MCPH1: variants seen among roughly 807,000 people sequenced by gnomAD.
MCPH1 encodes the protein microcephalin.
In MCPH1, 104 loss-of-function variants were observed where a neutral mutation model predicts 84.5. The observed-to-expected ratio is 1.23, with a 90% CI of 1.05 to 1.45. The LOEUF (loss-of-function observed/expected upper bound fraction) is 1.45. Ranked by LOEUF, MCPH1 falls within the 40% of genes most tolerant of loss-of-function variation. The pLI is 0.00. For synonymous variants in MCPH1, 514 were observed against 366.8 expected (o/e 1.40, Z -4.58); for missense variants, 1,498 against 1,005.7 (o/e 1.49, Z -6.62).
At chr8:6,623,260 C>T (rs547598205) in intron 13 of MCPH1, among the ~76,000 whole-genome samples, 6 of 152,166 alleles carry the variant, frequency 3.9e-5, no homozygotes, top group African/African-American at 9.6e-5. Context: ...TGGGCAGACA[C>T]AATTCAGCCC....
chr8:6,446,057 CAG>C (rs1804322103), intron 8 of MCPH1: 1 of 980,438 alleles, frequency 1.0e-6, no homozygotes, highest in African/African-American at 1.7e-5. Context: ...AAACTTTGGT[CAG>C]TGTTAACTAT....
At chr8:6,483,566 T>C (rs1383435046) in intron 11 of MCPH1, among the ~76,000 whole-genome samples, 1 of 152,156 alleles carries the variant, frequency 6.6e-6, no homozygotes, top group Admixed American at 6.5e-5. Context: ...ATTCAGTCTT[T>C]TGAACAAGTG....
At chr8:6,444,032 C>G (rs1156588877) in intron 7 of MCPH1, among the ~76,000 whole-genome samples, 1 of 152,208 alleles carries the variant, frequency 6.6e-6, no homozygotes, top group African/African-American at 2.4e-5. Context: ...CTAGATCTTA[C>G]AACAGTAGTT....
intron 12 of MCPH1, among the ~76,000 whole-genome samples, chr8:6,536,375 A>G (rs1169761392): frequency 6.7e-6 from 1 of 149,340 alleles, no homozygotes; most frequent in Non-Finnish European, 1.5e-5. Flanking sequence ...AGCTCAACCC[A>G]GAGGCCGCTT....
chr8:6,615,033 C>A (rs1030344798), intron 12 of MCPH1, among the ~76,000 whole-genome samples: 20 of 152,224 alleles, frequency 1.3e-4, no homozygotes, highest in African/African-American at 4.3e-4. Context: ...AGTAACCACG[C>A]TCACACTGCG....
chr8:6,593,717 T>A (rs1208116531), intron 12 of MCPH1, among the ~76,000 whole-genome samples: 1 of 152,174 alleles, frequency 6.6e-6, no homozygotes, highest in East Asian at 1.9e-4. Context: ...GGCACCCTTA[T>A]AAATAGAGCT....
intron 3 of MCPH1, among the ~76,000 whole-genome samples, chr8:6,420,182 A>T (rs1799964824): frequency 6.6e-6 from 1 of 151,774 alleles, no homozygotes; most frequent in South Asian, 2.1e-4. Flanking sequence ...CCCAGAACTG[A>T]TGTTTTTCAG....
intron 12 of MCPH1, chr8:6,621,230 T>C: frequency 5.0e-6 from 3 of 599,170 alleles, no homozygotes; most frequent in Admixed American, 3.0e-5. Flanking sequence ...TTCTAATTTG[T>C]TTCCTTGGAG....
chr8:6,475,765 G>T (rs1808366806), intron 9 of MCPH1, among the ~76,000 whole-genome samples: 2 of 152,128 alleles, frequency 1.3e-5, no homozygotes, highest in African/African-American at 4.8e-5. Context: ...AGTTTTAGTT[G>T]GTGAGTTTAA....
chr8:6,520,003 A>C, intron 12 of MCPH1: 1 of 1,612,900 alleles, frequency 6.2e-7, no homozygotes, highest in East Asian at 2.2e-5. Flanking sequence ...TGCTTTTAAA[A>C]AATAGTAAGG....
intron 8 of MCPH1, chr8:6,445,764 G>A (rs1466958464): frequency 7.4e-7 from 1 of 1,344,496 alleles, no homozygotes; most frequent in Non-Finnish European, 9.5e-7. Context: ...AAGTCTGTTA[G>A]GAATCTATTT....
intron 11 of MCPH1, among the ~76,000 whole-genome samples, chr8:6,497,565 A>T (rs1241957129): frequency 6.6e-6 from 1 of 152,102 alleles, no homozygotes; most frequent in Non-Finnish European, 1.5e-5. Flanking sequence ...CAGCACCAGT[A>T]CTCCATCATA....
Position 6,445,165 on chromosome 8 carries a change from CT to C in MCPH1, c.1444del (p.Ser482ProfsTer18), listed in dbSNP as rs1257114670. On this transcript the variant is annotated frameshift_variant, in exon 8 of 14. Transcript: ENST00000344683. LOFTEE classifies it high-confidence loss of function. The part of the protein sequence containing the change: ...DITNFTAKTI[S>X]SPRKTGNGEG... ...TTACCAATTTCACAGCAAAAACCATCTCCAGTCCTCGGAAAACTGGAAATGG... is the reference window on the plus strand; with the variant it reads ...TTACCAATTTCACAGCAAAAACCATCCCAGTCCTCGGAAAACTGGAAATGG... 1.9e-6 allele frequency: 3 copies of C among 1,614,138 alleles called. No individual in the cohort carries two copies. The highest frequency in any genetic ancestry group is 1.7e-6 in the Non-Finnish European group (2 of 1,180,056).
intron 12 of MCPH1, among the ~76,000 whole-genome samples, chr8:6,601,751 C>CCA (rs10531047): frequency 4.2e-5 from 6 of 144,372 alleles, no homozygotes; most frequent in African/African-American, 1.7e-4. Context: ...TATACCCACA[C>CCA]CACACACACA....
chr8:6,602,046 A>G (rs1829413946), intron 12 of MCPH1, among the ~76,000 whole-genome samples: 2 of 152,218 alleles, frequency 1.3e-5, no homozygotes, highest in South Asian at 4.1e-4. Context: ...TCATAGCTTT[A>G]AATCCACTGC....
chr8:6,523,103 T>G (rs778409281), intron 12 of MCPH1, among the ~76,000 whole-genome samples: 1 of 152,072 alleles, frequency 6.6e-6, no homozygotes, highest in Non-Finnish European at 1.5e-5. Flanking sequence ...GTTCAAGCTA[T>G]TCTCCTGCCT....
intron 7 of MCPH1, among the ~76,000 whole-genome samples, chr8:6,443,802 GC>G (rs892315348): frequency 1.3e-5 from 2 of 152,188 alleles, no homozygotes; most frequent in African/African-American, 2.4e-5. Flanking sequence ...AAAGGGGAAG[GC>G]CCAGAGGGTA....
chr8:6,591,528 T>C (rs1586732573), intron 12 of MCPH1, among the ~76,000 whole-genome samples: 1 of 152,370 alleles, frequency 6.6e-6, no homozygotes, highest in East Asian at 1.9e-4. Context: ...CTCTAGGTTT[T>C]AAAATACCTG....
chr8:6,544,644 G>T (rs780681621), intron 12 of MCPH1, among the ~76,000 whole-genome samples: 10 of 152,018 alleles, frequency 6.6e-5, no homozygotes, highest in Non-Finnish European at 1.0e-4. Context: ...GAAATGAAGC[G>T]CAAGCACATA....
Sources: gnomAD v4.1 joint callset for allele counts (sites outside exome capture counted in the v4.1 genomes callset) on GRCh38, gnomAD v4.1.1 for gene constraint, MANE v1.5 for transcripts, NCBI Gene and HGNC (gene_info 2026-07-23, HGNC 2026-07-21) for gene names.